Variants in SULT1C3 observed in about 807,000 individuals in gnomAD.
The protein encoded by SULT1C3 is sulfotransferase family 1C member 3.
SULT1C3 carries 31 observed loss-of-function variants against 28.4 expected under a neutral mutation model. The observed-to-expected ratio is 1.09, with a 90% CI of 0.82 to 1.47. SULT1C3 has a LOEUF of 1.47. SULT1C3 is among the 40% of genes most tolerant of loss of function. The pLI is 0.00. For synonymous variants in SULT1C3, 106 were observed against 92.2 expected, an observed-to-expected ratio of 1.15 and a Z score of -0.86; for missense variants, 307 against 272.5, an observed-to-expected ratio of 1.13 and a Z score of -0.89.
At position 108,260,733 on chromosome 2, in the gene SULT1C3, T is replaced by C. The variant is rs1375275990; in HGVS notation, c.*53T>C. 2 of 449,694 alleles carry C rather than the reference T, an allele frequency of 4.4e-6. No individual in the cohort carries two copies. The highest frequency in any genetic ancestry group is 3.2e-5 in the South Asian group (2 of 62,956). 27.9% of individuals were successfully genotyped at this position (449,694 alleles called of 1,614,324 possible). A position where few individuals can be genotyped will look rare whatever the true frequency, so the allele number is the denominator to read the frequency against. ...AGACTATGCCAACTATTTCGCCTTT[T>C]ATTCTGTTGAGCAAGGAACTGTGAC... On this transcript the variant is annotated 3_prime_UTR_variant, in exon 8 of 8. Coordinates refer to ENST00000681802, the MANE Select transcript of SULT1C3 (RefSeq NM_001320878.2).
intron 2 of SULT1C3, among the ~76,000 whole-genome samples, chr2:108,248,156 C>T (rs1397460491): frequency 3.3e-5 from 5 of 152,066 alleles, no homozygotes; most frequent in African/African-American, 1.2e-4. Context: ...TTGATGGGGA[C>T]ATGTAGAAGG....
chr2:108,262,561 T>G (rs1167088408), downstream of SULT1C3, among the ~76,000 whole-genome samples: 1 of 152,184 alleles, frequency 6.6e-6, no homozygotes. Flanking sequence ...CAAAGCATTT[T>G]GGCTATCTAA....
intron 5 of SULT1C3, among the ~76,000 whole-genome samples, chr2:108,257,227 A>C (rs1416204738): frequency 1.3e-5 from 2 of 152,002 alleles, no homozygotes; most frequent in Non-Finnish European, 2.9e-5. Context: ...AGAGAAAAAA[A>C]ACTCAGGTTT....
chr2:108,243,991 T>C (rs1186473054), intron 1 of SULT1C3, among the ~76,000 whole-genome samples: 2 of 152,220 alleles, frequency 1.3e-5, no homozygotes, highest in Non-Finnish European at 2.9e-5. Context: ...TGGCCAAGTT[T>C]GTTACTATTA....
chr2:108,249,699 A>G (rs1675681562), intron 2 of SULT1C3, among the ~76,000 whole-genome samples: 1 of 152,138 alleles, frequency 6.6e-6, no homozygotes, highest in Admixed American at 6.6e-5. Context: ...TTCAAAATTA[A>G]TGTATAAATT....
chr2:108,258,706 G>C (rs1675936858), intron 5 of SULT1C3, 28 bp from the exon 6 acceptor site: 2 of 1,576,186 alleles, frequency 1.3e-6, no homozygotes. Context: ...CCAGTACTGG[G>C]AACTAACAGT....
intron 2 of SULT1C3, among the ~76,000 whole-genome samples, chr2:108,251,692 C>T (rs1047073489): frequency 2.0e-5 from 3 of 151,816 alleles, no homozygotes; most frequent in African/African-American, 7.3e-5. Flanking sequence ...CTGGCTAATT[C>T]GTTCAAAAAC....
intron 2 of SULT1C3, among the ~76,000 whole-genome samples, chr2:108,249,583 T>G (rs1357312686): frequency 6.6e-6 from 1 of 152,040 alleles, no homozygotes; most frequent in South Asian, 2.1e-4. Context: ...GTGCATGATT[T>G]GAAAGTGAAA....
downstream of SULT1C3, chr2:108,264,875 A>T: frequency 6.2e-7 from 1 of 1,613,810 alleles, no homozygotes. Context: ...AAAAAGACAT[A>T]TCAGAGGAAA....
intron 4 of SULT1C3, among the ~76,000 whole-genome samples, chr2:108,254,936 G>A (rs1197932126): frequency 4.0e-5 from 6 of 151,570 alleles, no homozygotes; most frequent in Non-Finnish European, 5.9e-5. Flanking sequence ...AACTAGCTCT[G>A]GACTCAGTGT....
chr2:108,247,471 C>T lies in SULT1C3; in HGVS notation c.172+105C>T, dbSNP rs1675616956. The T allele has an allele frequency of 1.5e-5, 17 of 1,113,500 alleles. No individual in the cohort carries two copies. The South Asian group carries it at 3.6e-4, about 23-fold the overall frequency. 69.0% of individuals were successfully genotyped at this position (1,113,500 alleles called of 1,614,324 possible). A position where few individuals can be genotyped will look rare whatever the true frequency, so the allele number is the denominator to read the frequency against. On this transcript the variant is annotated intron_variant, in intron 2 of 7. Coordinates refer to ENST00000681802, the MANE Select transcript of SULT1C3 (RefSeq NM_001320878.2). ...ATTGGGATTTGGAGAGAAACAATTC[C>T]TCATTATGGAGATCTGTTCTTTGGT...
downstream of SULT1C3, among the ~76,000 whole-genome samples, chr2:108,262,003 AC>A (rs1676036468): frequency 6.6e-6 from 1 of 152,086 alleles, no homozygotes; most frequent in Non-Finnish European, 1.5e-5. Flanking sequence ...CCCAGAGGGG[AC>A]CCTGGGGTGA....
At chr2:108,261,259 G>A (rs1022757090), downstream of SULT1C3, among the ~76,000 whole-genome samples, 7 of 152,036 alleles carry the variant, frequency 4.6e-5, no homozygotes, top group African/African-American at 1.2e-4. Flanking sequence ...TTTCTCAATC[G>A]AAAGAGTTTG....
At chr2:108,262,053 G>C (rs1019319710), downstream of SULT1C3, among the ~76,000 whole-genome samples, 6 of 152,072 alleles carry the variant, frequency 3.9e-5, no homozygotes, top group African/African-American at 1.4e-4. Context: ...CCTACATCCA[G>C]CCAGATAACC....
At chr2:108,265,215 C>CATTA (rs1308009428), downstream of SULT1C3, 8 of 1,599,738 alleles carry the variant, frequency 5.0e-6, no homozygotes, top group Non-Finnish European at 6.8e-6. Context: ...CTGCAGCAAT[C>CATTA]ATTAAGATTT....
chr2:108,253,306 G>C, intron 3 of SULT1C3, 39 bp from the exon 4 acceptor site: 1 of 1,357,480 alleles, frequency 7.4e-7, no homozygotes, highest in Non-Finnish European at 9.9e-7. Flanking sequence ...TTGGCAGAGT[G>C]CCAAGAATAA....
chr2:108,257,923 A>G (rs1675917117), intron 5 of SULT1C3, among the ~76,000 whole-genome samples: 1 of 152,078 alleles, frequency 6.6e-6, no homozygotes, highest in African/African-American at 2.4e-5. Context: ...GACACATGCC[A>G]AAGTTCAAGT....
In SULT1C3 at chr2:108,259,042, T is replaced by C. The variant is rs1675949404; in HGVS notation, c.698T>C (p.Val233Ala). Residue 233 changes from valine to alanine, a missense_variant, in exon 7 of 8, where the codon GTC (valine) becomes GCC (alanine). Val to Ala is a moderately conservative substitution (Grantham distance 64). Transcript: ENST00000681802. ...TCAGGTGATGTTATAAACAAGATTGTCCACCATACCTCATTTGATGTAATG... is the reference window on the plus strand; with the variant it reads ...TCAGGTGATGTTATAAACAAGATTGCCCACCATACCTCATTTGATGTAATG... ...TWSGDVINKI[V>A]HHTSFDVMKD... The C allele has an allele frequency of 3.0e-6, 2 of 668,494 alleles. No homozygotes were observed. The highest frequency in any genetic ancestry group is 5.5e-6 in the Non-Finnish European group (2 of 365,182). The allele number at this position is 668,494 out of a possible 1,614,324, so 41.4% of individuals were successfully genotyped here.
At chr2:108,255,734 A>G (rs1397824637) in intron 5 of SULT1C3, 36 bp downstream of exon 5, 3 of 1,597,100 alleles carry the variant, frequency 1.9e-6, no homozygotes, top group African/African-American at 2.7e-5. Flanking sequence ...ACCCTCTTTC[A>G]GGTGACTCTA....
Sources: allele counts gnomAD v4.1 joint callset (sites outside exome capture counted in the v4.1 genomes callset), GRCh38; gene constraint gnomAD v4.1.1; transcripts MANE v1.5; gene names NCBI Gene and HGNC (gene_info 2026-07-23, HGNC 2026-07-21).